NADK2: variants seen among roughly 807,000 people sequenced by gnomAD.
The protein encoded by NADK2 is NAD kinase domain-containing protein 1, mitochondrial.
NADK2 carries 35 observed loss-of-function variants against 62.1 expected under a neutral mutation model. That is an observed-to-expected ratio of 0.56 (90% CI 0.43 to 0.75). The LOEUF (loss-of-function observed/expected upper bound fraction) is 0.75. Among genes scored for constraint, NADK2 ranks in the 30% least tolerant of loss-of-function variants. The probability of loss-of-function intolerance (pLI) is 0.00; values close to 1 mark genes in which losing one functional copy is unlikely to be tolerated. For synonymous variants in NADK2, 205 were observed against 207.9 expected (o/e 0.99, Z 0.12); for missense variants, 439 against 561.3 (o/e 0.78, Z 2.20).
At chr5:36,236,645 C>T (rs956626471) in intron 1 of NADK2, among the ~76,000 whole-genome samples, 2 of 152,074 alleles carry the variant, frequency 1.3e-5, no homozygotes, top group African/African-American at 2.4e-5. Flanking sequence ...ACATCAGAAA[C>T]ATTTTACTAC....
intron 11 of NADK2, 134 bp from the exon 12 acceptor site, chr5:36,195,416 T>C (rs1054152122): frequency 7.7e-6 from 7 of 904,882 alleles, no homozygotes; most frequent in Non-Finnish European, 1.1e-5. Flanking sequence ...AGAAAATTAG[T>C]CACTATGTAA....
At chr5:36,211,095 G>A (rs557351330) in intron 7 of NADK2, among the ~76,000 whole-genome samples, 1 of 152,258 alleles carries the variant, frequency 6.6e-6, no homozygotes, top group African/African-American at 2.4e-5. Flanking sequence ...CAGATCACCT[G>A]AGGTCAGGAG....
At chr5:36,224,621 G>A (rs1240499678) in intron 4 of NADK2, among the ~76,000 whole-genome samples, 2 of 151,894 alleles carry the variant, frequency 1.3e-5, no homozygotes, top group Non-Finnish European at 1.5e-5. Context: ...ATGAAGTGAG[G>A]AAGAAATAAG....
intron 10 of NADK2, among the ~76,000 whole-genome samples, chr5:36,198,871 A>G (rs994673578): frequency 1.3e-5 from 2 of 151,808 alleles, no homozygotes; most frequent in Admixed American, 6.6e-5. Context: ...TCTTTTTTCA[A>G]ACTATTTTAG....
chr5:36,214,037 A>G (rs1746954266), intron 6 of NADK2, among the ~76,000 whole-genome samples: 1 of 152,138 alleles, frequency 6.6e-6, no homozygotes, highest in African/African-American at 2.4e-5. Context: ...GAGTTTGACA[A>G]TAAATAAAAT....
intron 7 of NADK2, among the ~76,000 whole-genome samples, chr5:36,209,593 A>C (rs1216015089): frequency 3.3e-5 from 5 of 152,130 alleles, no homozygotes; most frequent in Admixed American, 3.3e-4. Context: ...AGATTGTATC[A>C]GTAGAGTTAA....
At position 36,227,847 on chromosome 5, in the gene NADK2, C is replaced by CTT. The variant is rs201331621; in HGVS notation, c.301-284_301-283dup. ...CTTAAGTTTTTTATTTTTTTTATGA[C>CTT]TTTTTTTTTTTTTTTGAGATGGAGT... On this transcript the variant is annotated intron_variant, in intron 1 of 11. Transcript: ENST00000381937. Among the ~76,000 whole-genome samples, 7 of 139,814 alleles carry CTT rather than the reference C, an allele frequency of 5.0e-5. No homozygotes were observed. In the East Asian group the frequency reaches 1.0e-3, roughly 21 times the overall value. The allele number at this position is 139,814 out of a possible 152,430, so 91.7% of individuals were successfully genotyped here.
intron 1 of NADK2, among the ~76,000 whole-genome samples, chr5:36,227,985 C>A (rs991843002): frequency 6.6e-6 from 1 of 151,912 alleles, no homozygotes; most frequent in Non-Finnish European, 1.5e-5. Flanking sequence ...TTTTAACACA[C>A]TGCATATGGC....
chr5:36,211,572 A>T (rs1368961200), intron 7 of NADK2, among the ~76,000 whole-genome samples: 1 of 152,036 alleles, frequency 6.6e-6, no homozygotes, highest in Non-Finnish European at 1.5e-5. Context: ...AAAAATAATA[A>T]AGCATCTATA....
chr5:36,210,176 A>T (rs1017200298), intron 7 of NADK2, among the ~76,000 whole-genome samples: 2 of 152,164 alleles, frequency 1.3e-5, no homozygotes, highest in African/African-American at 4.8e-5. Context: ...ACTCATCTCT[A>T]ATCTTCTACC....
At chr5:36,239,309 T>C (rs937894460) in intron 1 of NADK2, among the ~76,000 whole-genome samples, 1 of 152,216 alleles carries the variant, frequency 6.6e-6, no homozygotes, top group Non-Finnish European at 1.5e-5. Context: ...CTGTTAATAA[T>C]CTCTCATCTG....
intron 2 of NADK2, among the ~76,000 whole-genome samples, chr5:36,227,209 G>A (rs1362742273): frequency 1.3e-5 from 2 of 152,104 alleles, no homozygotes; most frequent in African/African-American, 4.8e-5. Flanking sequence ...TACAGTTGAA[G>A]CCAGCTGTGT....
chr5:36,218,046 A>G, intron 5 of NADK2, 162 bp from the exon 6 acceptor site: 1 of 575,682 alleles, frequency 1.7e-6, no homozygotes, highest in Non-Finnish European at 3.0e-6. Flanking sequence ...CTTCCTTATC[A>G]ATGACAGATT....
intron 8 of NADK2, among the ~76,000 whole-genome samples, chr5:36,201,645 G>T (rs1016489961): frequency 6.6e-6 from 1 of 151,872 alleles, no homozygotes; most frequent in African/African-American, 2.4e-5. Context: ...GTATCATATA[G>T]TGTATATGTT....
chr5:36,228,312 C>T (rs1040067047), intron 1 of NADK2, among the ~76,000 whole-genome samples: 1 of 152,110 alleles, frequency 6.6e-6, no homozygotes, highest in Non-Finnish European at 1.5e-5. Context: ...TTAGTGAACA[C>T]CCATTTAATC....
chr5:36,215,199 C>A (rs1746997028), intron 6 of NADK2, among the ~76,000 whole-genome samples: 1 of 152,166 alleles, frequency 6.6e-6, no homozygotes, highest in Admixed American at 6.5e-5. Flanking sequence ...TGTATTCTGA[C>A]AAACCTTGGT....
intron 5 of NADK2, 53 bp downstream of exon 5, chr5:36,219,543 T>G: frequency 2.1e-6 from 3 of 1,460,826 alleles, no homozygotes; most frequent in Non-Finnish European, 1.9e-6. Context: ...GCATTATTAA[T>G]GGCACATACT....
In NADK2 at chr5:36,207,058, A is replaced by G; in HGVS notation, c.956+112T>C. On this transcript the variant is annotated intron_variant, in intron 8 of 11. Transcript: ENST00000381937. ...AATGAAACAGAAACTTGGCCTACCTACATAACACCACCAGGACACCTCTTG... is the reference window on the plus strand; with the variant it reads ...AATGAAACAGAAACTTGGCCTACCTGCATAACACCACCAGGACACCTCTTG... 4.9e-6 allele frequency: 4 copies of G among 812,308 alleles called. No homozygotes were observed. In the South Asian group the frequency reaches 6.0e-5, roughly 12 times the overall value. 50.3% of individuals were successfully genotyped at this position (812,308 alleles called of 1,614,324 possible).
chr5:36,209,133 T>C (rs1746748270), intron 7 of NADK2, among the ~76,000 whole-genome samples: 1 of 152,138 alleles, frequency 6.6e-6, no homozygotes, highest in Non-Finnish European at 1.5e-5. Context: ...AGTTAAACTA[T>C]TTTCAACAGC....
Sources: allele counts gnomAD v4.1 joint callset (sites outside exome capture counted in the v4.1 genomes callset), GRCh38; gene constraint gnomAD v4.1.1; transcripts MANE v1.5; gene names NCBI Gene and HGNC (gene_info 2026-07-23, HGNC 2026-07-21).